The following TSPAN18 variants were observed in gnomAD, a reference collection of about 807,000 sequenced individuals.
TSPAN18 encodes the protein tetraspanin-18.
In TSPAN18, 14 loss-of-function variants were observed where a neutral mutation model predicts 27.3. That is an observed-to-expected ratio of 0.51 (90% confidence interval 0.34 to 0.80). The LOEUF is 0.80. TSPAN18 is among the 30% of genes least tolerant of loss of function. TSPAN18 has a pLI of 0.01. For missense variants in TSPAN18, 268 were observed against 323.9 expected, an observed-to-expected ratio of 0.83 and a Z score of 1.32; for synonymous variants, 143 against 136.5, an observed-to-expected ratio of 1.05 and a Z score of -0.33.
chr11:44,757,308 A>C (rs1338553155), intron 1 of TSPAN18, among the ~76,000 whole-genome samples: 1 of 151,972 alleles, frequency 6.6e-6, no homozygotes, highest in Non-Finnish European at 1.5e-5. Context: ...AGTGGGTGTG[A>C]AGTTGTATCT....
chr11:44,879,539 T>C (rs1308567127), intron 3 of TSPAN18, among the ~76,000 whole-genome samples: 1 of 152,224 alleles, frequency 6.6e-6, no homozygotes, highest in African/African-American at 2.4e-5. Flanking sequence ...ATGTGGAATA[T>C]CTGGGGGAAG....
chr11:44,921,381 C>T (rs889463538), intron 8 of TSPAN18, among the ~76,000 whole-genome samples: 13 of 152,126 alleles, frequency 8.5e-5, no homozygotes, highest in African/African-American at 1.7e-4. Flanking sequence ...CTGCCCCCCA[C>T]GATCCATTCA....
At chr11:44,791,117 G>T (rs541709065) in intron 2 of TSPAN18, among the ~76,000 whole-genome samples, 1 of 152,162 alleles carries the variant, frequency 6.6e-6, no homozygotes, top group Non-Finnish European at 1.5e-5. Flanking sequence ...GTGGCCTCCC[G>T]AGAGACCCCG....
chr11:44,911,371 C>T (rs1324092248), intron 5 of TSPAN18, among the ~76,000 whole-genome samples: 3 of 152,142 alleles, frequency 2.0e-5, no homozygotes, highest in Non-Finnish European at 4.4e-5. Context: ...ATTTGTGTCC[C>T]GGTGAGATGC....
At chr11:44,764,057 G>A (rs1020095505) in intron 1 of TSPAN18, among the ~76,000 whole-genome samples, 3 of 152,086 alleles carry the variant, frequency 2.0e-5, no homozygotes, top group Non-Finnish European at 4.4e-5. Context: ...GAGAGAGAGA[G>A]GGGAAGGTGC....
chr11:44,901,331 TG>T (rs35871319), intron 3 of TSPAN18: 1 of 152,252 alleles, frequency 6.6e-6, no homozygotes, highest in Non-Finnish European at 1.5e-5. Context: ...GCAATGAATG[TG>T]GTACACAATA....
At chr11:44,858,459 C>A (rs762511049) in intron 2 of TSPAN18, among the ~76,000 whole-genome samples, 3 of 152,226 alleles carry the variant, frequency 2.0e-5, no homozygotes, top group Non-Finnish European at 2.9e-5. Context: ...TCCGTGATCC[C>A]CTTTCACAGA....
At chr11:44,911,924 CCCT>C (rs1436093206) in intron 5 of TSPAN18, among the ~76,000 whole-genome samples, 12 of 70,664 alleles carry the variant, frequency 1.7e-4, no homozygotes, top group African/African-American at 5.3e-4. Flanking sequence ...CAGATCCTTC[CCCT>C]TCCCCTCCCC....
chr11:44,917,873 C>T, intron 5 of TSPAN18, 99 bp from the exon 6 acceptor site: 1 of 1,079,372 alleles, frequency 9.3e-7, no homozygotes. Flanking sequence ...AATGAGTATA[C>T]TGCGTCACTG....
intron 8 of TSPAN18, 26 bp from the exon 9 acceptor site, chr11:44,926,648 C>T: frequency 6.2e-7 from 1 of 1,609,906 alleles, no homozygotes; most frequent in Non-Finnish European, 8.5e-7. Context: ...CTGGCCATAG[C>T]TTGACCTCTC....
At chr11:44,755,800 G>A (rs970468067) in intron 1 of TSPAN18, among the ~76,000 whole-genome samples, 4 of 152,150 alleles carry the variant, frequency 2.6e-5, no homozygotes, top group African/African-American at 9.7e-5. Context: ...GTCTCCCTGA[G>A]GACGCTGCTC....
intron 2 of TSPAN18, among the ~76,000 whole-genome samples, chr11:44,779,099 G>A (rs1181744384): frequency 6.6e-6 from 1 of 152,042 alleles, no homozygotes; most frequent in African/African-American, 2.4e-5. Context: ...TATCTGTCCT[G>A]GGAGCCTGCC....
rs1217918419 is a variant in TSPAN18 at position 44,909,869 on chromosome 11, C to G, written c.228C>G (p.Ala76=). 1.2e-6 allele frequency: 2 copies of G among 1,613,560 alleles called. No individual in the cohort carries two copies. The highest frequency in any genetic ancestry group is 1.3e-5 in the African/African-American group (1 of 74,922). The change falls in exon 5 of 10, where the codon GCC becomes GCG. Residue 76 remains alanine (A), a synonymous_variant. Coordinates refer to ENST00000520358, the MANE Select transcript of TSPAN18 (RefSeq NM_130783.5). ...TCGGCTTCCTGGGCTGCTGCGGGGC[C>G]GTCCGTGAGAACAAGTGTCTGCTGC... is the stretch of plus-strand genomic sequence containing the variant. ...FLLGFLGCCG[A]VRENKCLLLF... is the part of the protein sequence containing the mutation.
chr11:44,923,310 G>T (rs987762200), intron 8 of TSPAN18, among the ~76,000 whole-genome samples: 1 of 152,228 alleles, frequency 6.6e-6, no homozygotes, highest in East Asian at 1.9e-4. Flanking sequence ...GTGGCAGCAG[G>T]GGGTGGGGGA....
chr11:44,919,819 T>C lies in TSPAN18; in HGVS notation c.435T>C (p.Phe145=). 2 of 1,614,090 alleles carry C rather than the reference T, an allele frequency of 1.2e-6. No individual in the cohort carries two copies. The highest frequency in any genetic ancestry group is 1.7e-6 in the Non-Finnish European group (2 of 1,179,972). The change falls in exon 8 of 10, where the codon TTT becomes TTC. Residue 145 remains phenylalanine, a splice_region_variant and synonymous_variant. Transcript: ENST00000520358. The part of the protein sequence containing the change: ...SATWNSVMIT[F]GCCGVNGPED... Reference sequence around the variant, plus strand: ...CCTTCTCTGGGATCTCCCCCTAGTTTGGTTGCTGCGGGGTCAACGGGCCTG... The same window carrying C: ...CCTTCTCTGGGATCTCCCCCTAGTTCGGTTGCTGCGGGGTCAACGGGCCTG...
intron 3 of TSPAN18, among the ~76,000 whole-genome samples, chr11:44,897,284 T>C (rs1859093199): frequency 6.6e-6 from 1 of 152,184 alleles, no homozygotes; most frequent in Non-Finnish European, 1.5e-5. Context: ...AAGAAACACT[T>C]TCCAGCATCA....
At chr11:44,757,497 C>G (rs1855359561) in intron 1 of TSPAN18, among the ~76,000 whole-genome samples, 1 of 152,098 alleles carries the variant, frequency 6.6e-6, no homozygotes, top group African/African-American at 2.4e-5. Flanking sequence ...GATCATCTTG[C>G]CTCAGCCACC....
At chr11:44,755,771 G>A (rs918429889) in intron 1 of TSPAN18, among the ~76,000 whole-genome samples, 1 of 152,178 alleles carries the variant, frequency 6.6e-6, no homozygotes, top group African/African-American at 2.4e-5. Flanking sequence ...CGAGGTCTGA[G>A]GCTGAGCTGG....
rs1554941244 is a variant in TSPAN18, at chr11:44,924,097, T to TGTG, written c.616-2577_616-2576insGTG. On this transcript the variant is annotated intron_variant, in intron 8 of 9. Coordinates refer to ENST00000520358, the MANE Select transcript of TSPAN18 (RefSeq NM_130783.5). ...CTGCTTCTCCTGTCCCCTTCTGGGG[T>TGTG]TGTGTGTGTGTGTGTGTGTGTGTGT... 2.1e-4 allele frequency among the ~76,000 whole-genome samples: 31 copies of TGTG among 145,874 alleles called. 1 individual carries two copies. Among genetic ancestry groups the TGTG allele is most frequent in the African/African-American group, 8.0e-4 (31 of 38,970 alleles).
Sources: allele counts gnomAD v4.1 joint callset (sites outside exome capture counted in the v4.1 genomes callset), GRCh38; gene constraint gnomAD v4.1.1; transcripts MANE v1.5; gene names NCBI Gene and HGNC (gene_info 2026-07-23, HGNC 2026-07-21).